NSDHL: variants seen among roughly 807,000 people sequenced by gnomAD.
NSDHL encodes the protein sterol-4-alpha-carboxylate 3-dehydrogenase, decarboxylating.
Under a neutral mutation model 23.0 loss-of-function variants are expected in NSDHL, and 1 was observed. That is an observed-to-expected ratio of 0.04 (90% CI 0.02 to 0.21). NSDHL has a LOEUF of 0.21. NSDHL is among the 10% of genes least tolerant of loss of function. NSDHL has a pLI of 1.00. For missense variants in NSDHL, 237 were observed against 300.9 expected (o/e 0.79, Z 1.57); for synonymous variants, 128 against 121.1 (o/e 1.06, Z -0.37).
intron 4 of NSDHL, among the ~76,000 whole-genome samples, chrX:152,859,340 C>A (rs1442797787): frequency 2.7e-5 from 3 of 111,557 alleles, no homozygotes; most frequent in Non-Finnish European, 5.7e-5. Context: ...TTTCTTCTTC[C>A]CTAATAAAAA....
chrX:152,869,433 T>G lies in NSDHL; in HGVS notation c.*317T>G, dbSNP rs1017349172. 4 of 321,499 alleles carry G rather than the reference T, an allele frequency of 1.2e-5. No individual in the cohort carries two copies. Among genetic ancestry groups the G allele is most frequent in the Non-Finnish European group, 2.2e-5 (4 of 179,437 alleles). 26.5% of individuals were successfully genotyped at this position (321,499 alleles called of 1,213,427 possible). On this transcript the variant is annotated 3_prime_UTR_variant, in exon 8 of 8. Transcript: ENST00000370274. ...GTTTATACATTTCATTCCAGTGTCC[T>G]TGTACATAATCAAGGAAGCTGTAGG...
chrX:152,834,526 T>G (rs1368624512), intron 1 of NSDHL, among the ~76,000 whole-genome samples: 8 of 112,865 alleles, frequency 7.1e-5, no homozygotes, highest in African/African-American at 2.6e-4. Flanking sequence ...CTAATCCTAA[T>G]CTGGGTATTT....
At chrX:152,839,960 T>C (rs1466069073) in intron 1 of NSDHL, among the ~76,000 whole-genome samples, 1 of 112,672 alleles carries the variant, frequency 8.9e-6, no homozygotes, top group African/African-American at 3.2e-5. Flanking sequence ...TTTGGTCTTT[T>C]CACATAGTCC....
At chrX:152,866,295 C>T (rs782101600) in intron 6 of NSDHL, among the ~76,000 whole-genome samples, 15 of 112,242 alleles carry the variant, frequency 1.3e-4, no homozygotes, top group South Asian at 7.5e-4. Context: ...TTCCCGAGGG[C>T]AGAGCCCCCA....
At chrX:152,846,212 C>G in intron 1 of NSDHL, 70 bp from the exon 2 acceptor site, 1 of 612,890 alleles carries the variant, frequency 1.6e-6, no homozygotes, top group Non-Finnish European at 2.8e-6. Context: ...GGCATCTGCC[C>G]AAAACACTAA....
intron 2 of NSDHL, 88 bp downstream of exon 2, chrX:152,846,520 T>C: frequency 3.2e-6 from 2 of 617,057 alleles, no homozygotes; most frequent in Non-Finnish European, 5.5e-6. Flanking sequence ...TATTAATCAA[T>C]GTTGGGTATT....
intron 3 of NSDHL, among the ~76,000 whole-genome samples, chrX:152,851,287 G>A (rs1556846265): frequency 1.8e-5 from 2 of 111,998 alleles, no homozygotes; most frequent in African/African-American, 6.5e-5. Flanking sequence ...AGAGTCACAT[G>A]TCCTCCCTGA....
In NSDHL at chrX:152,850,330, G is replaced by T; in HGVS notation, c.174G>T (p.Leu58=). The T allele has an allele frequency of 8.3e-7, 1 of 1,209,435 alleles. No individual in the cohort carries two copies. Among genetic ancestry groups the T allele is most frequent in the Non-Finnish European group, 1.1e-6 (1 of 893,566 alleles). ...GGCAGCACATGGTGGAGCAGTTGCTGGCAAGAGGATATGCTGTCAATGTAT... is the reference window on the plus strand; with the variant it reads ...GGCAGCACATGGTGGAGCAGTTGCTTGCAAGAGGATATGCTGTCAATGTAT... ...FLGQHMVEQL[L]ARGYAVNVFD... The change falls in exon 3 of 8, where the codon CTG becomes CTT. Residue 58 remains leucine, a synonymous_variant. Coordinates refer to ENST00000370274, the MANE Select transcript of NSDHL (RefSeq NM_015922.3).
At chrX:152,862,002 A>C (rs1933536658) in intron 4 of NSDHL, among the ~76,000 whole-genome samples, 1 of 112,704 alleles carries the variant, frequency 8.9e-6, no homozygotes, top group East Asian at 2.8e-4. Context: ...ACAATGTTGA[A>C]TAAGAATGGG....
At chrX:152,835,138 G>A (rs1556843916) in intron 1 of NSDHL, among the ~76,000 whole-genome samples, 1 of 111,077 alleles carries the variant, frequency 9.0e-6, no homozygotes, top group Admixed American at 9.6e-5. Context: ...ACATGAGGCG[G>A]CACACACCTT....
chrX:152,831,086 C>T lies in NSDHL; in HGVS notation c.-75C>T. On this transcript the variant is annotated 5_prime_UTR_variant, in exon 1 of 8. Transcript: ENST00000370274. ...TCAGTGGGTGCAGCCTGCTTGCGAG[C>T]TGAGGCCAGACAGGGGGGCGCCTAC... is the stretch of plus-strand genomic sequence containing the variant. 1 of 303,180 alleles carries T rather than the reference C, an allele frequency of 3.3e-6. No individual in the cohort carries two copies. Among genetic ancestry groups the T allele is most frequent in the Non-Finnish European group, 5.8e-6 (1 of 173,693 alleles). 25.0% of individuals were successfully genotyped at this position (303,180 alleles called of 1,213,427 possible).
chrX:152,859,012 C>A, intron 4 of NSDHL, 96 bp downstream of exon 4: 1 of 738,398 alleles, frequency 1.4e-6, no homozygotes, highest in Non-Finnish European at 2.1e-6. Flanking sequence ...TGGGCCTAGG[C>A]GGGGTTGCTT....
chrX:152,868,781 C>T lies in NSDHL; in HGVS notation c.790-3C>T. ...TAACTTCTTGTTCTTGTTCTCCCGCCAGGCATTTCACATCACCAATGATGA... is the reference window on the plus strand; with the variant it reads ...TAACTTCTTGTTCTTGTTCTCCCGCTAGGCATTTCACATCACCAATGATGA... On this transcript the variant is annotated splice_polypyrimidine_tract_variant and splice_region_variant and intron_variant, in intron 7 of 7. Coordinates refer to ENST00000370274, the MANE Select transcript of NSDHL (RefSeq NM_015922.3). 2.5e-6 allele frequency: 3 copies of T among 1,206,621 alleles called. No homozygotes were observed. Among genetic ancestry groups the T allele is most frequent in the Non-Finnish European group, 3.4e-6 (3 of 891,916 alleles).
intron 3 of NSDHL, among the ~76,000 whole-genome samples, chrX:152,857,349 G>A (rs183287642): frequency 2.7e-5 from 3 of 112,011 alleles, no homozygotes; most frequent in East Asian, 2.8e-4. Context: ...TCATCACCAC[G>A]TGCTCCAACT....
chrX:152,854,751 T>C (rs1246131569), intron 3 of NSDHL, among the ~76,000 whole-genome samples: 3 of 109,258 alleles, frequency 2.7e-5, no homozygotes, highest in Non-Finnish European at 5.7e-5. Flanking sequence ...GGTGTGGTGG[T>C]ATGCACTTGT....
At chrX:152,842,490 T>G (rs1436953861) in intron 1 of NSDHL, among the ~76,000 whole-genome samples, 1 of 111,523 alleles carries the variant, frequency 9.0e-6, no homozygotes, top group Non-Finnish European at 1.9e-5. Context: ...TGAGCATCGT[T>G]TTTTATTTTT....
At chrX:152,863,031 A>C (rs1933551768) in intron 5 of NSDHL, among the ~76,000 whole-genome samples, 1 of 110,326 alleles carries the variant, frequency 9.1e-6, no homozygotes. Context: ...GCATGGTGGC[A>C]GGCGCCTGTA....
At chrX:152,851,103 T>C (rs111586473) in intron 3 of NSDHL, among the ~76,000 whole-genome samples, 2,726 of 112,457 alleles carry the variant, frequency 0.024, 71 homozygotes, top group African/African-American at 0.083. Context: ...ATGAATATCT[T>C]GAATTTTATT....
intron 3 of NSDHL, among the ~76,000 whole-genome samples, chrX:152,856,399 T>G (rs1309664168): frequency 8.9e-6 from 1 of 112,433 alleles, no homozygotes; most frequent in African/African-American, 3.2e-5. Context: ...ACTGTGACTT[T>G]TATTATGTTT....
Sources: gnomAD v4.1 joint callset for allele counts (sites outside exome capture counted in the v4.1 genomes callset) on GRCh38, gnomAD v4.1.1 for gene constraint, MANE v1.5 for transcripts, NCBI Gene and HGNC (gene_info 2026-07-23, HGNC 2026-07-21) for gene names.